CES1: variants seen among roughly 807,000 people sequenced by gnomAD.
CES1 encodes the protein liver carboxylesterase 1.
CES1 carries 50 observed loss-of-function variants against 53.0 expected under a neutral mutation model. That is an observed-to-expected ratio of 0.94 (90% CI 0.75 to 1.19). The LOEUF (loss-of-function observed/expected upper bound fraction) is 1.19, where lower values mean the gene tolerates loss of function less well. CES1 is among the 50% of genes most tolerant of loss of function. CES1 has a pLI of 0.00. For missense variants in CES1, 534 were observed against 538.0 expected (o/e 0.99, Z 0.07); for synonymous variants, 202 against 210.1 (o/e 0.96, Z 0.33).
At chr16:55,829,025 A>G in intron 1 of CES1, 51 bp from the exon 2 acceptor site, 3 of 1,555,064 alleles carry the variant, frequency 1.9e-6, no homozygotes, top group Non-Finnish European at 2.6e-6. Flanking sequence ...GGCTGGACCC[A>G]GATTCCAGGT....
chr16:55,827,056 G>A (rs2142350384), intron 2 of CES1, among the ~76,000 whole-genome samples: 1 of 152,216 alleles, frequency 6.6e-6, no homozygotes, highest in Non-Finnish European at 1.5e-5. Flanking sequence ...GTAGATCCAT[G>A]CCATGTGGTG....
At chr16:55,812,825 G>C (rs1165988740) in intron 9 of CES1, 78 bp downstream of exon 9, 2 of 1,591,446 alleles carry the variant, frequency 1.3e-6, no homozygotes, top group Non-Finnish European at 1.7e-6. Context: ...AGCTCGGAGA[G>C]GGAAGCATTC....
chr16:55,812,870 T>A (rs368424717), intron 9 of CES1, 33 bp downstream of exon 9: 2 of 1,613,080 alleles, frequency 1.2e-6, no homozygotes, highest in Non-Finnish European at 1.7e-6. Context: ...ATGGGGGTGG[T>A]TGAGTCCCTC....
intron 1 of CES1, among the ~76,000 whole-genome samples, chr16:55,831,867 T>C (rs1352734864): frequency 6.7e-6 from 1 of 149,678 alleles, no homozygotes; most frequent in Non-Finnish European, 1.5e-5. Context: ...TGTGTGAGTC[T>C]CAGTTTCTCT....
intron 2 of CES1, among the ~76,000 whole-genome samples, chr16:55,828,337 G>T (rs1338284103): frequency 2.0e-5 from 3 of 152,132 alleles, no homozygotes; most frequent in Admixed American, 6.5e-5. Flanking sequence ...TCCTCTCCCC[G>T]ACTATGTCAA....
At chr16:55,818,976 T>C (rs183808472) in intron 7 of CES1, among the ~76,000 whole-genome samples, 21 of 152,304 alleles carry the variant, frequency 1.4e-4, no homozygotes, top group Non-Finnish European at 2.6e-4. Context: ...TGACATTAGA[T>C]TGATAAAAAG....
intron 7 of CES1, among the ~76,000 whole-genome samples, chr16:55,819,317 T>G (rs544650939): frequency 1.3e-5 from 2 of 152,346 alleles, no homozygotes; most frequent in South Asian, 4.1e-4. Context: ...TGGTCAGGAC[T>G]GGGGATTGTT....
At chr16:55,819,512 G>A (rs1339723354) in intron 7 of CES1, 23 bp downstream of exon 7, 1 of 1,558,726 alleles carries the variant, frequency 6.4e-7, no homozygotes, top group Non-Finnish European at 8.8e-7. Flanking sequence ...ACAGGGTTTG[G>A]GCTACGGGAA....
intron 4 of CES1, among the ~76,000 whole-genome samples, chr16:55,823,247 A>T (rs2032276495): frequency 6.6e-6 from 1 of 152,032 alleles, no homozygotes; most frequent in Non-Finnish European, 1.5e-5. Flanking sequence ...CTGGAGAAAC[A>T]TAGGTGAAGA....
At chr16:55,811,225 A>T (rs527699112) in intron 9 of CES1, among the ~76,000 whole-genome samples, 2 of 151,484 alleles carry the variant, frequency 1.3e-5, no homozygotes, top group East Asian at 3.9e-4. Context: ...AAAAAAAACA[A>T]AAAACAAAAT....
chr16:55,829,577 G>T lies in CES1; in HGVS notation c.53-603C>A, dbSNP rs553938402. Among the ~76,000 whole-genome samples, 13 of 152,362 alleles carry T rather than the reference G, an allele frequency of 8.5e-5. No homozygotes were observed. In the East Asian group the frequency reaches 2.5e-3, roughly 29 times the overall value. ...GTACACAGCAGAGAGAAGGGAATTT[G>T]CTGAGGCTCAGAGCAGCAGAATGCA... On this transcript the variant is annotated intron_variant, in intron 1 of 13. Transcript: ENST00000360526.
chr16:55,820,557 C>G (rs1567500639), intron 5 of CES1, 78 bp from the exon 6 acceptor site: 3 of 1,609,634 alleles, frequency 1.9e-6, no homozygotes, highest in South Asian at 1.1e-5. Context: ...CAGGCTAGAT[C>G]TACTCCACTA....
intron 9 of CES1, among the ~76,000 whole-genome samples, chr16:55,811,281 C>CGCGT (rs1380179282): frequency 6.0e-5 from 9 of 149,904 alleles, no homozygotes. Context: ...TGTGTGCGCG[C>CGCGT]GTGTGTGTGT....
chr16:55,812,879 T>C, intron 9 of CES1, 24 bp downstream of exon 9: 1 of 1,613,610 alleles, frequency 6.2e-7, no homozygotes, highest in South Asian at 1.1e-5. Flanking sequence ...GTTGAGTCCC[T>C]CCAACAGACA....
intron 8 of CES1, among the ~76,000 whole-genome samples, chr16:55,816,619 C>T (rs1218121420): frequency 6.6e-6 from 1 of 152,174 alleles, no homozygotes; most frequent in East Asian, 1.9e-4. Flanking sequence ...CTGTTTCAGC[C>T]TCCTCCTACA....
At chr16:55,809,308 G>A (rs1196918216) in intron 11 of CES1, among the ~76,000 whole-genome samples, 8 of 152,184 alleles carry the variant, frequency 5.3e-5, no homozygotes, top group African/African-American at 1.9e-4. Context: ...AAGAAATGAG[G>A]GTTATGAGCA....
intron 7 of CES1, among the ~76,000 whole-genome samples, chr16:55,818,000 G>A (rs1167743897): frequency 6.6e-6 from 1 of 152,128 alleles, no homozygotes; most frequent in Non-Finnish European, 1.5e-5. Flanking sequence ...TTCATTCCTT[G>A]AACACTTTGG....
At chr16:55,820,317 A>C (rs572006142) in intron 6 of CES1, 55 bp downstream of exon 6, 3 of 1,108,386 alleles carry the variant, frequency 2.7e-6, no homozygotes, top group South Asian at 2.7e-5. Flanking sequence ...ATTCAGGAGC[A>C]TAGAGCCAAG....
chr16:55,827,083 T>C (rs2032447521), intron 2 of CES1, among the ~76,000 whole-genome samples: 2 of 151,998 alleles, frequency 1.3e-5, no homozygotes, highest in African/African-American at 4.8e-5. Flanking sequence ...CACAAGTATA[T>C]TATAAGCAAC....
Sources: allele counts gnomAD v4.1 joint callset (sites outside exome capture counted in the v4.1 genomes callset), GRCh38; gene constraint gnomAD v4.1.1; transcripts MANE v1.5; gene names NCBI Gene and HGNC (gene_info 2026-07-23, HGNC 2026-07-21).